The following ABCA4 variants were observed in gnomAD, a reference collection of about 807,000 sequenced individuals.
The protein encoded by ABCA4 is ATP binding cassette subfamily A member 4.
In ABCA4, 196 loss-of-function variants were observed where a neutral mutation model predicts 263.7. The observed-to-expected ratio is 0.74, with a 90% CI of 0.66 to 0.84. The LOEUF (loss-of-function observed/expected upper bound fraction) is 0.84. Ranked by LOEUF, ABCA4 falls within the 40% of genes least tolerant of loss-of-function variation. ABCA4 has a pLI of 0.00. For missense variants in ABCA4, 2,792 were observed against 2,855.1 expected (o/e 0.98, Z 0.50); for synonymous variants, 1,133 against 1,094.2 (o/e 1.04, Z -0.70).
intron 29 of ABCA4, among the ~76,000 whole-genome samples, chr1:94,030,224 T>C (rs1660158352): frequency 6.6e-6 from 1 of 152,192 alleles, no homozygotes; most frequent in African/African-American, 2.4e-5. Context: ...AGCTGTCCAG[T>C]GGTGTGGGGG....
At chr1:94,077,517 G>C (rs947634805) in intron 11 of ABCA4, among the ~76,000 whole-genome samples, 173 bp downstream of exon 11, 2 of 152,244 alleles carry the variant, frequency 1.3e-5, no homozygotes, top group African/African-American at 4.8e-5. Flanking sequence ...TAAGTTTTAA[G>C]TATGGATAAG....
chr1:94,082,558 G>A (rs370338939), intron 7 of ABCA4, among the ~76,000 whole-genome samples: 5 of 151,998 alleles, frequency 3.3e-5, no homozygotes, highest in Non-Finnish European at 7.4e-5. Flanking sequence ...GTGCATACTC[G>A]GCCCAGGTTG....
intron 31 of ABCA4, among the ~76,000 whole-genome samples, chr1:94,024,506 C>T (rs908438217): frequency 1.3e-5 from 2 of 152,228 alleles, no homozygotes; most frequent in Non-Finnish European, 2.9e-5. Context: ...GTCCCGCTGC[C>T]TCTTTCCCAC....
intron 11 of ABCA4, among the ~76,000 whole-genome samples, chr1:94,068,877 G>A (rs1056232818): frequency 2.0e-5 from 3 of 152,298 alleles, no homozygotes; most frequent in East Asian, 1.9e-4. Flanking sequence ...TGTTATAGCC[G>A]GAGCTCAGAA....
intron 9 of ABCA4, 47 bp from the exon 10 acceptor site, chr1:94,078,753 G>A (rs1186897919): frequency 3.7e-6 from 5 of 1,357,080 alleles, no homozygotes; most frequent in South Asian, 2.3e-5. Flanking sequence ...AGAGAGAAAA[G>A]TGAGAGAGAA....
At chr1:94,073,383 TG>T (rs1158000101) in intron 11 of ABCA4, among the ~76,000 whole-genome samples, 2 of 152,272 alleles carry the variant, frequency 1.3e-5, no homozygotes, top group East Asian at 3.9e-4. Context: ...CCCCGGAGGA[TG>T]TGATTTGCAG....
chr1:94,079,330 G>A lies in ABCA4; in HGVS notation c.1231C>T (p.Leu411=), dbSNP rs1179848223. 1.2e-6 allele frequency: 2 copies of A among 1,614,132 alleles called. No homozygotes were observed. The highest frequency in any genetic ancestry group is 1.7e-5 in the Admixed American group (1 of 60,034). Residue 411 remains leucine, a synonymous_variant, in exon 9 of 50, where the codon CTG becomes TTG. Transcript: ENST00000370225. ...TPDSPAARRI[L]KNANSTFEEL... is the part of the protein sequence containing the mutation. ...CCCAGCTGGGATCTTACATTCTTCA[G>A]TATCCTTCGTGCTGCAGGTGAATCA...
rs1432639371 is a variant in ABCA4, at chr1:94,060,523, T to G, written c.2160+14A>C. 6.2e-7 allele frequency: 1 copy of G among 1,611,496 alleles called. No individual in the cohort carries two copies. The highest frequency in any genetic ancestry group is 1.3e-5 in the African/African-American group (1 of 74,858). ...AGTATTCAAGATTTTCTGGGCCTTC[T>G]CCATTTGGCTTACCATGATGAATAT... On this transcript the variant is annotated intron_variant, in intron 14 of 49. Transcript: ENST00000370225.
At chr1:94,023,746 G>C (rs1659965603) in intron 31 of ABCA4, among the ~76,000 whole-genome samples, 3 of 152,242 alleles carry the variant, frequency 2.0e-5, no homozygotes, top group African/African-American at 7.2e-5. Flanking sequence ...TGTCAGTGTG[G>C]AATGAAGGCT....
intron 13 of ABCA4, among the ~76,000 whole-genome samples, chr1:94,061,772 A>G (rs972742500): frequency 2.0e-5 from 3 of 152,168 alleles, no homozygotes; most frequent in African/African-American, 7.2e-5. Context: ...CTAACTGCAG[A>G]CTGGCCACTG....
At chr1:94,012,125 A>G (rs1557764322) in intron 38 of ABCA4, among the ~76,000 whole-genome samples, 2 of 152,158 alleles carry the variant, frequency 1.3e-5, no homozygotes, top group East Asian at 3.9e-4. Flanking sequence ...TGGCTGGGCC[A>G]CTGCTGTCCA....
intron 11 of ABCA4, among the ~76,000 whole-genome samples, chr1:94,071,110 C>T (rs550201244): frequency 1.3e-5 from 2 of 152,290 alleles, no homozygotes; most frequent in South Asian, 2.1e-4. Context: ...TGGATTTGTA[C>T]AATCTGTTTC....
intron 11 of ABCA4, among the ~76,000 whole-genome samples, chr1:94,073,585 G>A (rs1450620195): frequency 2.6e-5 from 4 of 152,204 alleles, no homozygotes; most frequent in African/African-American, 9.7e-5. Context: ...AGCCTATTAG[G>A]TAAGTGCTAT....
At position 94,079,334 on chromosome 1, in the gene ABCA4, C is replaced by G. The variant is rs267598778; in HGVS notation, c.1227G>C (p.Arg409Ser). Residue 409 changes from arginine (R) to serine (S), a missense_variant, in exon 9 of 50, where the codon AGG (arginine) becomes AGC (serine). By Grantham distance (110) the Arg-to-Ser change is moderately radical. Coordinates refer to ENST00000370225, the MANE Select transcript of ABCA4 (RefSeq NM_000350.3). Reference protein sequence around the residue: ...LYTPDSPAARRILKNANSTFE... With the variant: ...LYTPDSPAARSILKNANSTFE... ...GCTGGGATCTTACATTCTTCAGTAT[C>G]CTTCGTGCTGCAGGTGAATCAGGAG... 1 of 1,613,998 alleles carries G rather than the reference C, an allele frequency of 6.2e-7. No individual in the cohort carries two copies. Among genetic ancestry groups the G allele is most frequent in the Non-Finnish European group, 8.5e-7 (1 of 1,180,030 alleles).
At chr1:94,119,914 C>G (rs762887008) in intron 1 of ABCA4, among the ~76,000 whole-genome samples, 1 of 152,118 alleles carries the variant, frequency 6.6e-6, no homozygotes, top group African/African-American at 2.4e-5. Flanking sequence ...GCAGGTCTCC[C>G]TCCCTTTCCT....
At chr1:94,100,214 T>G (rs750720548) in intron 5 of ABCA4, among the ~76,000 whole-genome samples, 2 of 152,132 alleles carry the variant, frequency 1.3e-5, no homozygotes, top group Non-Finnish European at 2.9e-5. Context: ...ACTTTCGATC[T>G]CAGGGACCCA....
chr1:94,023,057 G>A (rs549015510), intron 32 of ABCA4, among the ~76,000 whole-genome samples: 7 of 152,272 alleles, frequency 4.6e-5, no homozygotes, highest in South Asian at 2.1e-4. Context: ...GGAGTGTCCC[G>A]GGTTTAGGCT....
intron 49 of ABCA4, 109 bp from the exon 50 acceptor site, chr1:93,993,351 C>T: frequency 7.3e-7 from 1 of 1,378,862 alleles, no homozygotes; most frequent in Non-Finnish European, 1.0e-6. Context: ...GAAGGGCACT[C>T]AGCTGAGGGC....
At chr1:94,095,259 C>G (rs978635316) in intron 6 of ABCA4, among the ~76,000 whole-genome samples, 11 of 151,796 alleles carry the variant, frequency 7.2e-5, no homozygotes, top group African/African-American at 2.7e-4. Flanking sequence ...GAAAACACAG[C>G]TGGTCTCAGT....
Sources: allele counts gnomAD v4.1 joint callset (sites outside exome capture counted in the v4.1 genomes callset), GRCh38; gene constraint gnomAD v4.1.1; transcripts MANE v1.5; gene names NCBI Gene and HGNC (gene_info 2026-07-23, HGNC 2026-07-21).